Variants in SLC36A4 observed in about 807,000 individuals in gnomAD.
SLC36A4 encodes the protein solute carrier family 36 member 4.
SLC36A4 carries 49 observed loss-of-function variants against 50.5 expected under a neutral mutation model. The ratio of observed to expected loss-of-function variants is 0.97; its 90% CI spans 0.77 to 1.23. SLC36A4 has a LOEUF of 1.23. SLC36A4 is among the 50% of genes most tolerant of loss of function. SLC36A4 has a pLI of 0.00. For synonymous variants in SLC36A4, 207 were observed against 206.5 expected (o/e 1.00, Z -0.02); for missense variants, 611 against 608.4 (o/e 1.00, Z -0.05).
chr11:93,154,215 A>G lies in SLC36A4; in HGVS notation c.1100T>C (p.Phe367Ser). Reference protein sequence around the residue: ...FGIFVTYSIQFYVPAEIIIPG... With the variant: ...FGIFVTYSIQSYVPAEIIIPG... ...GATAATGATCTCTGCTGGAACATAG[A>G]ACTGAATTGAATATGTCACAAAAAT... is the stretch of plus-strand genomic sequence containing the variant. Residue 367 changes from phenylalanine (F) to serine (S), a missense_variant, in exon 10 of 11, where the codon TTC becomes TCC. By Grantham distance (155) the Phe-to-Ser change is radical. Transcript: ENST00000326402. 1 of 1,548,850 alleles carries G rather than the reference A, an allele frequency of 6.5e-7. No homozygotes were observed. Among genetic ancestry groups the G allele is most frequent in the Non-Finnish European group, 8.7e-7 (1 of 1,149,622 alleles).
At chr11:93,182,941 G>A in intron 3 of SLC36A4, 47 bp from the exon 4 acceptor site, 1 of 1,350,064 alleles carries the variant, frequency 7.4e-7, no homozygotes, top group Non-Finnish European at 1.0e-6. Context: ...AACAGAAATT[G>A]AGTAATCTTA....
At chr11:93,187,151 C>T (rs2134703874) in intron 1 of SLC36A4, among the ~76,000 whole-genome samples, 1 of 120,580 alleles carries the variant, frequency 8.3e-6, no homozygotes, top group Admixed American at 7.8e-5. Context: ...AATGCTGTTC[C>T]ACTTTTGCCT....
chr11:93,156,510 C>T (rs1344893446), intron 9 of SLC36A4, among the ~76,000 whole-genome samples: 2 of 151,552 alleles, frequency 1.3e-5, no homozygotes, highest in African/African-American at 4.9e-5. Flanking sequence ...ACCTCCACCT[C>T]CCCAGTTCAA....
chr11:93,144,960 T>G lies in SLC36A4; in HGVS notation c.*3577A>C, dbSNP rs1368408171. The G allele has an allele frequency of 6.6e-6, 1 of 152,034 alleles. No individual in the cohort carries two copies. The highest frequency in any genetic ancestry group is 2.4e-5 in the African/African-American group (1 of 41,442). 9.4% of individuals were successfully genotyped at this position (152,034 alleles called of 1,614,324 possible). The stretch of plus-strand genomic sequence containing the variant: ...ACTGATGCTATTTAAATAATTTTAT[T>G]TATTATTTACACTAGCTCTATTTCA... On this transcript the variant is annotated 3_prime_UTR_variant, in exon 11 of 11. Coordinates refer to ENST00000326402, the MANE Select transcript of SLC36A4 (RefSeq NM_152313.4).
chr11:93,192,523 C>T (rs79857185), intron 1 of SLC36A4, among the ~76,000 whole-genome samples: 5,938 of 152,000 alleles, frequency 0.039, 223 homozygotes, highest in African/African-American at 0.095. Flanking sequence ...TGTAAATTTA[C>T]GTTACACAAA....
intron 6 of SLC36A4, 104 bp from the exon 7 acceptor site, chr11:93,168,275 T>C: frequency 1.9e-6 from 1 of 527,522 alleles, no homozygotes; most frequent in Middle Eastern, 5.1e-4. Context: ...CACTCTACAA[T>C]AAATTCCTAT....
chr11:93,183,703 TA>T lies in SLC36A4; in HGVS notation c.270+726del, dbSNP rs747006311. 6.6e-3 allele frequency among the ~76,000 whole-genome samples: 1,006 copies of T among 151,932 alleles called. 10 individuals carry two copies. Among genetic ancestry groups the T allele is most frequent in the African/African-American group, 0.023 (948 of 41,464 alleles). On this transcript the variant is annotated intron_variant, in intron 3 of 10. Transcript: ENST00000326402. ...ATTACTTTTCTTTTATTTATTTATT[TA>T]TTTTTTTTTTTGAGACAGAGTCTTG...
intron 9 of SLC36A4, chr11:93,159,896 C>A (rs1264269551): frequency 1.0e-6 from 1 of 985,010 alleles, no homozygotes; most frequent in Non-Finnish European, 1.2e-6. Context: ...TACCAAAAGC[C>A]CTTTACAGCT....
intron 1 of SLC36A4, among the ~76,000 whole-genome samples, chr11:93,190,429 A>G (rs1862168011): frequency 6.6e-6 from 1 of 152,184 alleles, no homozygotes; most frequent in African/African-American, 2.4e-5. Flanking sequence ...GGATATCCCA[A>G]TTATCCTGAT....
chr11:93,145,235 T>C lies in SLC36A4; in HGVS notation c.*3302A>G, dbSNP rs757953472. On this transcript the variant is annotated 3_prime_UTR_variant, in exon 11 of 11. Coordinates refer to ENST00000326402, the MANE Select transcript of SLC36A4 (RefSeq NM_152313.4). ...CTATGAAACTACTAAGATTAGACACTGTTAGGAAATTCAAAACATGCACAT... is the reference window on the plus strand; with the variant it reads ...CTATGAAACTACTAAGATTAGACACCGTTAGGAAATTCAAAACATGCACAT... 1.3e-5 allele frequency: 2 copies of C among 152,102 alleles called. No individual in the cohort carries two copies. Among genetic ancestry groups the C allele is most frequent in the East Asian group, 1.9e-4 (1 of 5,168 alleles). The allele number at this position is 152,102 out of a possible 1,614,324, so 9.4% of individuals were successfully genotyped here.
rs1861745811 is a variant in SLC36A4, at chr11:93,181,726, AG to A, written c.419del (p.Pro140LeufsTer21). 6.5e-7 allele frequency: 1 copy of A among 1,541,934 alleles called. No homozygotes were observed. The highest frequency in any genetic ancestry group is 1.4e-5 in the African/African-American group (1 of 73,318). The part of the protein sequence containing the change: ...DTVSFAMEVS[P>X]WSCLQKQAAW... Reference sequence around the variant, plus strand: ...CTGCTTGCTTCTGAAGACAACTCCAAGGACTCACTTCCATAGCAAAGCTCAC... The same window carrying A: ...CTGCTTGCTTCTGAAGACAACTCCAAGACTCACTTCCATAGCAAAGCTCAC... On this transcript the variant is annotated frameshift_variant, in exon 5 of 11. Coordinates refer to ENST00000326402, the MANE Select transcript of SLC36A4 (RefSeq NM_152313.4). LOFTEE classifies it high-confidence loss of function.
At chr11:93,172,908 G>C (rs1198850585) in intron 6 of SLC36A4, among the ~76,000 whole-genome samples, 1 of 150,926 alleles carries the variant, frequency 6.6e-6, no homozygotes. Flanking sequence ...ATAAACATAT[G>C]TGTGCATGTG....
In SLC36A4 at chr11:93,162,744, G is replaced by A. The variant is rs1158777805; in HGVS notation, c.999C>T (p.Ile333=). The A allele has an allele frequency of 6.2e-7, 1 of 1,612,394 alleles. No homozygotes were observed. The highest frequency in any genetic ancestry group is 1.7e-5 in the Admixed American group (1 of 59,616). Residue 333 remains isoleucine, a synonymous_variant, in exon 9 of 11, where the codon ATC becomes ATT. Coordinates refer to ENST00000326402, the MANE Select transcript of SLC36A4 (RefSeq NM_152313.4). The part of the protein sequence containing the change: ...TLGYMCFHDE[I]KGSITLNLPQ... ...GAAGATTTAAAGTTATGCTGCCTTTGATTTCATCATGGAAACACATATATC... is the reference window on the plus strand; with the variant it reads ...GAAGATTTAAAGTTATGCTGCCTTTAATTTCATCATGGAAACACATATATC...
chr11:93,184,068 G>A (rs183719844), intron 3 of SLC36A4, among the ~76,000 whole-genome samples: 2 of 152,152 alleles, frequency 1.3e-5, no homozygotes, highest in East Asian at 1.9e-4. Context: ...ACAATGTCAC[G>A]TTACCAATAA....
At chr11:93,172,214 C>T (rs958444054) in intron 6 of SLC36A4, among the ~76,000 whole-genome samples, 1 of 152,108 alleles carries the variant, frequency 6.6e-6, no homozygotes, top group Non-Finnish European at 1.5e-5. Context: ...AGTTACAACA[C>T]TAATCTCTTG....
Position 93,148,864 on chromosome 11 carries a change from T to C in SLC36A4, c.1208-20A>G. On this transcript the variant is annotated intron_variant, in intron 10 of 10. Transcript: ENST00000326402. The stretch of plus-strand genomic sequence containing the variant: ...CGGCACCTAGAAAATGAAAATACAT[T>C]TATTTTTCTTATTTAAATGTTTGTT... 1.9e-6 allele frequency: 3 copies of C among 1,578,466 alleles called. No individual in the cohort carries two copies. The highest frequency in any genetic ancestry group is 2.6e-6 in the Non-Finnish European group (3 of 1,163,708).
At chr11:93,165,153 T>C (rs1454553604) in intron 8 of SLC36A4, among the ~76,000 whole-genome samples, 1 of 152,160 alleles carries the variant, frequency 6.6e-6, no homozygotes, top group Non-Finnish European at 1.5e-5. Flanking sequence ...AATTTTATTT[T>C]AGATCTATTT....
intron 6 of SLC36A4, among the ~76,000 whole-genome samples, chr11:93,179,903 G>C (rs1176071396): frequency 6.6e-6 from 1 of 152,068 alleles, no homozygotes; most frequent in Admixed American, 6.5e-5. Flanking sequence ...CTTATTAACT[G>C]GCCCTCTACA....
intron 9 of SLC36A4, among the ~76,000 whole-genome samples, chr11:93,159,642 T>C (rs918807251): frequency 3.9e-5 from 6 of 152,186 alleles, no homozygotes; most frequent in Admixed American, 2.0e-4. Context: ...GTAGCATTTA[T>C]CACTAGATTG....
Sources: gnomAD v4.1 joint callset for allele counts (sites outside exome capture counted in the v4.1 genomes callset) on GRCh38, gnomAD v4.1.1 for gene constraint, MANE v1.5 for transcripts, NCBI Gene and HGNC (gene_info 2026-07-23, HGNC 2026-07-21) for gene names.